The following FOCAD variants were observed in gnomAD, a reference collection of about 807,000 sequenced individuals.
FOCAD encodes KIAA1797.
In FOCAD, 198 loss-of-function variants were observed where a neutral mutation model predicts 225.6. The observed-to-expected ratio is 0.88, with a 90% CI of 0.78 to 0.99. The LOEUF is 0.99. Ranked by LOEUF, FOCAD falls within the 50% of genes least tolerant of loss-of-function variation. The pLI, the probability that FOCAD is intolerant of heterozygous loss-of-function variation, is 0.00. For synonymous variants in FOCAD, 897 were observed against 755.0 expected, an observed-to-expected ratio of 1.19 and a Z score of -3.08; for missense variants, 2,713 against 2,123.6, an observed-to-expected ratio of 1.28 and a Z score of -5.46.
At chr9:20,881,140 T>C (rs1830634492) in intron 19 of FOCAD, among the ~76,000 whole-genome samples, 1 of 152,000 alleles carries the variant, frequency 6.6e-6, no homozygotes, top group South Asian at 2.1e-4. Flanking sequence ...ATGAAAGAGG[T>C]TTTTCTGAAA....
intron 15 of FOCAD, among the ~76,000 whole-genome samples, chr9:20,852,884 A>G (rs1372042147): frequency 6.6e-6 from 1 of 151,666 alleles, no homozygotes; most frequent in Non-Finnish European, 1.5e-5. Context: ...ACAACTTCCC[A>G]GTAGTTCGAT....
intron 28 of FOCAD, among the ~76,000 whole-genome samples, chr9:20,942,880 T>G (rs952071295): frequency 5.3e-5 from 8 of 152,190 alleles, no homozygotes; most frequent in African/African-American, 1.9e-4. Flanking sequence ...TGGGAGAGTA[T>G]TAAAGAGGCT....
Position 20,862,629 on chromosome 9 carries a change from G to A in FOCAD, c.1972G>A (p.Asp658Asn). 1 of 1,613,522 alleles carries A rather than the reference G, an allele frequency of 6.2e-7. No homozygotes were observed. The highest frequency in any genetic ancestry group is 8.5e-7 in the Non-Finnish European group (1 of 1,179,648). The change falls in exon 16 of 44, where the codon GAC becomes AAC. Residue 658 changes from aspartate to asparagine, a missense_variant. Asp to Asn is a conservative substitution (Grantham distance 23, BLOSUM62 1). Coordinates refer to ENST00000338382, the MANE Select transcript of FOCAD (RefSeq NM_001375567.1). ...TGCTCTCTCTCCAAAGCTGAGTTGT[G>A]ACACAAGACCTCTCATTCTGAAGAC... ...WNALSPKLSC[D>N]TRPLILKTLS...
intron 1 of FOCAD, among the ~76,000 whole-genome samples, chr9:20,685,711 A>C (rs999575708): frequency 1.3e-5 from 2 of 152,184 alleles, no homozygotes; most frequent in African/African-American, 4.8e-5. Context: ...TTGCTTACTT[A>C]ATCAATGTTA....
At chr9:20,813,410 T>G (rs79297566) in intron 11 of FOCAD, among the ~76,000 whole-genome samples, 7,253 of 151,864 alleles carry the variant, frequency 0.048, 584 homozygotes, top group African/African-American at 0.17. Context: ...TTAAAAAAAA[T>G]TTTTTTTGAG....
chr9:20,896,725 G>A (rs965505798), intron 21 of FOCAD, among the ~76,000 whole-genome samples: 4 of 151,730 alleles, frequency 2.6e-5, no homozygotes, highest in African/African-American at 9.7e-5. Context: ...GTCTTTCACT[G>A]CTGATGTTAA....
intron 4 of FOCAD, among the ~76,000 whole-genome samples, chr9:20,736,034 C>T (rs1016911915): frequency 1.3e-5 from 2 of 152,066 alleles, no homozygotes; most frequent in South Asian, 2.1e-4. Context: ...TGGTATTTTA[C>T]TCACTTTTTT....
intron 37 of FOCAD, among the ~76,000 whole-genome samples, chr9:20,979,652 T>G (rs1277021192): frequency 6.6e-6 from 1 of 152,142 alleles, no homozygotes; most frequent in African/African-American, 2.4e-5. Context: ...TTTTGTTTTT[T>G]TAAACCTTTC....
At chr9:20,789,635 A>G (rs373905359) in intron 11 of FOCAD, 27 bp downstream of exon 11, 178 of 1,610,090 alleles carry the variant, frequency 1.1e-4, no homozygotes, top group Non-Finnish European at 2.6e-5. Flanking sequence ...ATGGAACAAT[A>G]ATGAGAGGAA....
At chr9:20,856,026 A>G (rs1587411927) in intron 15 of FOCAD, among the ~76,000 whole-genome samples, 3 of 151,796 alleles carry the variant, frequency 2.0e-5, no homozygotes, top group African/African-American at 4.8e-5. Flanking sequence ...AATCTTGGCT[A>G]TTGTGAATAG....
At chr9:20,759,317 C>G (rs983356639) in intron 6 of FOCAD, among the ~76,000 whole-genome samples, 2 of 152,156 alleles carry the variant, frequency 1.3e-5, no homozygotes, top group African/African-American at 4.8e-5. Flanking sequence ...AACTATACTA[C>G]AAGGCTACAG....
intron 11 of FOCAD, 93 bp downstream of exon 11, chr9:20,789,701 G>T: frequency 1.4e-6 from 2 of 1,410,894 alleles, no homozygotes; most frequent in South Asian, 1.4e-5. Context: ...TTGCATCAGA[G>T]TTTTAAATTA....
chr9:20,987,016 G>C (rs1218218014), intron 40 of FOCAD, among the ~76,000 whole-genome samples: 1 of 152,006 alleles, frequency 6.6e-6, no homozygotes, highest in Admixed American at 6.5e-5. Context: ...GAATAAGAGC[G>C]CTCCCCCATT....
intron 1 of FOCAD, among the ~76,000 whole-genome samples, chr9:20,702,711 A>T (rs1427532824): frequency 6.6e-6 from 1 of 152,168 alleles, no homozygotes; most frequent in South Asian, 2.1e-4. Context: ...CCACTGTATA[A>T]CCTCAGGCAA....
At chr9:20,965,574 A>T (rs939977691) in intron 35 of FOCAD, among the ~76,000 whole-genome samples, 1 of 151,988 alleles carries the variant, frequency 6.6e-6, no homozygotes, top group African/African-American at 2.4e-5. Flanking sequence ...AACCATTTGA[A>T]AGTTTTCTGT....
intron 11 of FOCAD, among the ~76,000 whole-genome samples, chr9:20,810,987 A>T (rs1183128724): frequency 6.6e-6 from 1 of 151,978 alleles, no homozygotes; most frequent in African/African-American, 2.4e-5. Context: ...CCTTTATTGG[A>T]TGGGCTAATT....
chr9:20,720,367 G>T lies in FOCAD; in HGVS notation c.133-13G>T. ...TCATCAGAATTGTCTTCTAATCACTGGTTTGGTTTCAGACTCCTGCTTTGA... is the reference window on the plus strand; with the variant it reads ...TCATCAGAATTGTCTTCTAATCACTTGTTTGGTTTCAGACTCCTGCTTTGA... On this transcript the variant is annotated splice_polypyrimidine_tract_variant and intron_variant, in intron 3 of 43. Transcript: ENST00000338382. The T allele has an allele frequency of 6.2e-7, 1 of 1,613,322 alleles. No individual in the cohort carries two copies. Among genetic ancestry groups the T allele is most frequent in the Non-Finnish European group, 8.5e-7 (1 of 1,179,504 alleles).
intron 35 of FOCAD, among the ~76,000 whole-genome samples, chr9:20,964,148 C>T (rs114878195): frequency 0.012 from 1,771 of 152,028 alleles, 46 homozygotes; most frequent in African/African-American, 0.041. Context: ...GGTAGATCGC[C>T]TAAGGTCAGG....
intron 42 of FOCAD, 126 bp from the exon 43 acceptor site, chr9:20,993,127 T>A: frequency 1.4e-6 from 1 of 690,776 alleles, no homozygotes; most frequent in Non-Finnish European, 2.5e-6. Flanking sequence ...CTAAGAACTG[T>A]AATCCCAGCT....
Sources: gnomAD v4.1 joint callset for allele counts (sites outside exome capture counted in the v4.1 genomes callset) on GRCh38, gnomAD v4.1.1 for gene constraint, MANE v1.5 for transcripts, NCBI Gene and HGNC (gene_info 2026-07-23, HGNC 2026-07-21) for gene names.